ERMAP: variants seen among roughly 807,000 people sequenced by gnomAD.
The protein encoded by ERMAP is erythroid membrane-associated protein.
A neutral mutation model predicts 49.5 loss-of-function variants in ERMAP; 34 were observed. The ratio of observed to expected loss-of-function variants is 0.69; its 90% CI spans 0.52 to 0.91. The LOEUF is 0.91. ERMAP is among the 40% of genes least tolerant of loss of function. ERMAP has a pLI of 0.00. For synonymous variants in ERMAP, 214 were observed against 232.2 expected (o/e 0.92, Z 0.71); for missense variants, 541 against 582.6 (o/e 0.93, Z 0.74).
intron 1 of ERMAP, among the ~76,000 whole-genome samples, chr1:42,822,341 G>A (rs1284935650): frequency 6.6e-6 from 1 of 151,918 alleles, no homozygotes; most frequent in African/African-American, 2.4e-5. Flanking sequence ...GTGCCACCAC[G>A]CCTGGGTAAT....
chr1:42,817,339 G>C, intron 1 of ERMAP, 86 bp downstream of exon 1: 1 of 980,358 alleles, frequency 1.0e-6, no homozygotes, highest in Non-Finnish European at 1.3e-6. Context: ...GCCGGGGGGA[G>C]GGGCGCAGGG....
chr1:42,825,877 A>G (rs1329350936), intron 2 of ERMAP, 139 bp downstream of exon 2: 2 of 1,043,730 alleles, frequency 1.9e-6, no homozygotes, highest in African/African-American at 3.3e-5. Context: ...GTTAGCTATC[A>G]CTAAAGAAAC....
chr1:42,839,175 T>C (rs1654987064), intron 8 of ERMAP: 1 of 578,372 alleles, frequency 1.7e-6, no homozygotes, highest in African/African-American at 1.9e-5. Flanking sequence ...CTCCCATAGG[T>C]GAAGCCATCT....
At chr1:42,831,579 T>C (rs369191238) in intron 4 of ERMAP, among the ~76,000 whole-genome samples, 539 of 47,618 alleles carry the variant, frequency 0.011, 6 homozygotes, top group East Asian at 0.1. Flanking sequence ...TTTTCTCTTT[T>C]TTTTTTTTTT....
intron 6 of ERMAP, among the ~76,000 whole-genome samples, 184 bp downstream of exon 6, chr1:42,835,948 C>T (rs1241796722): frequency 6.6e-6 from 1 of 152,068 alleles, no homozygotes; most frequent in African/African-American, 2.4e-5. Context: ...ATAGCTTTGC[C>T]TTCCTGTATG....
At chr1:42,841,242 T>A (rs951689399) in intron 11 of ERMAP, among the ~76,000 whole-genome samples, 1 of 152,204 alleles carries the variant, frequency 6.6e-6, no homozygotes, top group Non-Finnish European at 1.5e-5. Context: ...ATTGCCACCA[T>A]CTCAACTGTG....
intron 10 of ERMAP, 31 bp from the exon 11 acceptor site, chr1:42,840,239 A>T (rs756640881): frequency 1.2e-6 from 2 of 1,614,174 alleles, no homozygotes; most frequent in Non-Finnish European, 1.7e-6. Flanking sequence ...TGTCTCTGGT[A>T]CTTTAATGAT....
At chr1:42,832,593 C>T (rs1654778941) in intron 4 of ERMAP, among the ~76,000 whole-genome samples, 1 of 152,026 alleles carries the variant, frequency 6.6e-6, no homozygotes. Flanking sequence ...TCTCAATCTC[C>T]CGACCTCAGG....
At chr1:42,838,339 A>G (rs964076579) in intron 7 of ERMAP, among the ~76,000 whole-genome samples, 9 of 152,198 alleles carry the variant, frequency 5.9e-5, no homozygotes, top group Non-Finnish European at 1.2e-4. Context: ...TCAATTGTCT[A>G]GCAGGGCCAA....
chr1:42,842,377 A>G, intron 11 of ERMAP, 140 bp from the exon 12 acceptor site: 2 of 676,402 alleles, frequency 3.0e-6, no homozygotes, highest in Non-Finnish European at 4.9e-6. Flanking sequence ...TCCAGTACAC[A>G]TGGTGGGGGC....
chr1:42,842,579 T>C lies in ERMAP; in HGVS notation c.775T>C (p.Cys259Arg), dbSNP rs35147822. Residue 259 changes from cysteine to arginine, a missense_variant, in exon 12 of 12, where the codon TGT (cysteine) becomes CGT (arginine). Coordinates refer to ENST00000372517, the MANE Select transcript of ERMAP (RefSeq NM_001017922.2). ...ACTCATCCTTTCTGAGGACCAAAGA[T>C]GTGTAAGGCTTGGAGACAGACGGCA... ...PKLILSEDQRCVRLGDRRQPV... is the reference protein window; with the variant it reads ...PKLILSEDQRRVRLGDRRQPV... The C allele has an allele frequency of 1.2e-3, 1,986 of 1,614,128 alleles. 27 individuals carry two copies. The African/African-American group carries it at 0.024, about 19-fold the overall frequency.
chr1:42,820,173 T>C (rs1654369893), intron 1 of ERMAP, among the ~76,000 whole-genome samples: 2 of 152,238 alleles, frequency 1.3e-5, no homozygotes, highest in Non-Finnish European at 2.9e-5. Flanking sequence ...GACTGATTTA[T>C]TCTGACTTGT....
Position 42,842,780 on chromosome 1 carries a change from A to G in ERMAP, c.976A>G (p.Asn326Asp), listed in dbSNP as rs151336893. ...GGGGAAGGTTACTGCCTCACCTGCC[A>G]ATGGACACTGGCTTCTGCGACAGAG... ...RKGKVTASPA[N>D]GHWLLRQSRG... The change falls in exon 12 of 12, where the codon AAT (asparagine) becomes GAT (aspartate). Residue 326 changes from asparagine to aspartate, a missense_variant. Coordinates refer to ENST00000372517, the MANE Select transcript of ERMAP (RefSeq NM_001017922.2). The G allele has an allele frequency of 2.2e-3, 3,589 of 1,614,188 alleles. 72 individuals carry two copies. In the East Asian group the frequency reaches 0.038, roughly 17 times the overall value.
At chr1:42,822,432 G>C (rs1370476750) in intron 1 of ERMAP, among the ~76,000 whole-genome samples, 1 of 152,072 alleles carries the variant, frequency 6.6e-6, no homozygotes, top group Non-Finnish European at 1.5e-5. Flanking sequence ...GACCCGCCTG[G>C]CTCAGCCTCC....
At chr1:42,830,588 A>G in intron 3 of ERMAP, 55 bp downstream of exon 3, 1 of 1,573,750 alleles carries the variant, frequency 6.4e-7, no homozygotes, top group East Asian at 2.2e-5. Flanking sequence ...TGGCGTCCCC[A>G]GAATAAGGAA....
In ERMAP at chr1:42,830,821, G is replaced by A. The variant is rs56047316; in HGVS notation, c.139G>A (p.Glu47Lys). 935 of 1,588,420 alleles carry A rather than the reference G, an allele frequency of 5.9e-4. 1 individual carries two copies. The highest frequency in any genetic ancestry group is 2.0e-3 in the Admixed American group (112 of 55,184). Residue 47 changes from glutamate (E) to lysine (K), a missense_variant, in exon 4 of 12, where the codon GAG (glutamate) becomes AAG (lysine). Physicochemically the swap from Glu to Lys is moderately conservative, Grantham distance 56. Transcript: ENST00000372517. ...CGTGGCCCTACTAGGGGGCACAGCC[G>A]AGCTGCTCTGCCCTCTCTCCCTCTG... ...FHVALLGGTA[E>K]LLCPLSLWPG...
At chr1:42,831,748 A>AT (rs965516874) in intron 4 of ERMAP, among the ~76,000 whole-genome samples, 13 of 146,002 alleles carry the variant, frequency 8.9e-5, no homozygotes, top group Admixed American at 2.7e-4. Context: ...TGTCTGGTTA[A>AT]TTTTTTTTTT....
At chr1:42,827,908 T>G (rs1459787876) in intron 2 of ERMAP, among the ~76,000 whole-genome samples, 2 of 152,144 alleles carry the variant, frequency 1.3e-5, no homozygotes, top group African/African-American at 4.8e-5. Flanking sequence ...CTGTTCTAAG[T>G]GTAAAAGAGA....
At position 42,825,725 on chromosome 1, in the gene ERMAP, T is replaced by A. The variant is rs965885065; in HGVS notation, c.-19T>A. On this transcript the variant is annotated 5_prime_UTR_variant, in exon 2 of 12. An upstream open reading frame in the 5' UTR loses its in-frame stop. Coordinates refer to ENST00000372517, the MANE Select transcript of ERMAP (RefSeq NM_001017922.2). ...TGCCTGTGAGAGGAACAAGCGTCCC[T>A]GATCCAGAAGGTGGTGAGTCCTCCT... is the stretch of plus-strand genomic sequence containing the variant. 1 of 1,289,426 alleles carries A rather than the reference T, an allele frequency of 7.8e-7. No homozygotes were observed. Among genetic ancestry groups the A allele is most frequent in the East Asian group, 5.5e-5 (1 of 18,032 alleles). The allele number at this position is 1,289,426 out of a possible 1,614,324, so 79.9% of individuals were successfully genotyped here.
Sources: allele counts gnomAD v4.1 joint callset (sites outside exome capture counted in the v4.1 genomes callset), GRCh38; gene constraint gnomAD v4.1.1; transcripts MANE v1.5; gene names NCBI Gene and HGNC (gene_info 2026-07-23, HGNC 2026-07-21).